Variants in FRMD5 observed in about 807,000 individuals in gnomAD.
FRMD5 encodes FERM domain containing 5, also known as FERM domain-containing protein 5.
FRMD5 carries 20 observed loss-of-function variants against 69.0 expected under a neutral mutation model. That is an observed-to-expected ratio of 0.29 (90% CI 0.20 to 0.42). FRMD5 has a LOEUF of 0.42. Among genes scored for constraint, FRMD5 ranks in the 10% least tolerant of loss-of-function variants. The pLI, the probability that FRMD5 is intolerant of heterozygous loss-of-function variation, is 1.00. For synonymous variants in FRMD5, 271 were observed against 260.1 expected (o/e 1.04, Z -0.40); for missense variants, 595 against 708.6 (o/e 0.84, Z 1.82).
intron 1 of FRMD5, among the ~76,000 whole-genome samples, chr15:44,121,595 T>C (rs1171299520): frequency 6.6e-6 from 1 of 151,386 alleles, no homozygotes; most frequent in Non-Finnish European, 1.5e-5. Flanking sequence ...TGACCCTTTC[T>C]CTCTAGTTTT....
chr15:43,895,492 G>A (rs2088891873), intron 7 of FRMD5, among the ~76,000 whole-genome samples: 1 of 152,252 alleles, frequency 6.6e-6, no homozygotes, highest in Non-Finnish European at 1.5e-5. Context: ...AGGTGTTAGA[G>A]TTAGAGGAGC....
chr15:44,140,212 A>G (rs978587874), intron 1 of FRMD5, among the ~76,000 whole-genome samples: 1 of 152,166 alleles, frequency 6.6e-6, no homozygotes, highest in East Asian at 1.9e-4. Context: ...AATTTCTAAG[A>G]ATAATATACT....
chr15:43,904,367 TTTTTTA>T (rs1393044603), intron 6 of FRMD5, among the ~76,000 whole-genome samples: 2 of 152,174 alleles, frequency 1.3e-5, no homozygotes, highest in Non-Finnish European at 2.9e-5. Context: ...AACATAACTT[TTTTTTA>T]TTTTTAATTT....
At position 43,873,186 on chromosome 15, in the gene FRMD5, G is replaced by A. The variant is rs777750068; in HGVS notation, c.*699C>T. The A allele has an allele frequency of 3.9e-6, 6 of 1,550,466 alleles. No homozygotes were observed. Among genetic ancestry groups the A allele is most frequent in the Non-Finnish European group, 5.2e-6 (6 of 1,146,904 alleles). On this transcript the variant is annotated 3_prime_UTR_variant, in exon 14 of 14. Transcript: ENST00000417257. ...ACAGACTTACCCCACCCCTGATGCT[G>A]CTGTTGCTGTAGCGGTGGTCCCTTC...
intron 1 of FRMD5, among the ~76,000 whole-genome samples, chr15:44,080,021 A>C (rs564726484): frequency 2.0e-5 from 3 of 152,260 alleles, no homozygotes; most frequent in East Asian, 1.9e-4. Flanking sequence ...GCTGGGGATG[A>C]ATGGCAGTGA....
At chr15:44,095,210 T>C (rs1337927285) in intron 1 of FRMD5, among the ~76,000 whole-genome samples, 2 of 151,670 alleles carry the variant, frequency 1.3e-5, no homozygotes, top group Non-Finnish European at 2.9e-5. Flanking sequence ...TTCTTTCTTT[T>C]TTTTTTTTTT....
intron 1 of FRMD5, among the ~76,000 whole-genome samples, chr15:43,986,243 G>A (rs2412851): frequency 0.9 from 136,966 of 152,266 alleles, 62,184 homozygotes; most frequent in East Asian, 1. Flanking sequence ...CAAAGTGTGC[G>A]GTGGGGTTGC....
At chr15:44,169,727 G>A (rs1187305286) in intron 1 of FRMD5, among the ~76,000 whole-genome samples, 1 of 152,170 alleles carries the variant, frequency 6.6e-6, no homozygotes, top group East Asian at 1.9e-4. Context: ...GAAGTTTTTA[G>A]CCCCAAATGA....
At chr15:44,093,642 A>C (rs563883500) in intron 1 of FRMD5, among the ~76,000 whole-genome samples, 1 of 148,712 alleles carries the variant, frequency 6.7e-6, no homozygotes, top group East Asian at 2.0e-4. Flanking sequence ...GCGCCGTCTC[A>C]GCTCACTGCA....
In FRMD5 at chr15:43,886,149, C is replaced by T. The variant is rs540954894; in HGVS notation, c.885-394G>A. On this transcript the variant is annotated intron_variant, in intron 10 of 13. Transcript: ENST00000417257. ...CGGGCAAATTTCCTTCTCTCTTAGC[C>T]TCACCCTTTTTATAAAATGATAGAG... Among the ~76,000 whole-genome samples the T allele has an allele frequency of 5.3e-4, 81 of 152,258 alleles. 2 individuals carry two copies. In the South Asian group the frequency reaches 0.017, roughly 31 times the overall value.
At chr15:44,096,452 G>C (rs1049203697) in intron 1 of FRMD5, among the ~76,000 whole-genome samples, 1 of 150,210 alleles carries the variant, frequency 6.7e-6, no homozygotes, top group African/African-American at 2.5e-5. Flanking sequence ...GCCCAGGCTG[G>C]AGTACAATGG....
chr15:44,000,736 A>ACTTT (rs1482751486), intron 1 of FRMD5, among the ~76,000 whole-genome samples: 1 of 152,228 alleles, frequency 6.6e-6, no homozygotes, highest in African/African-American at 2.4e-5. Context: ...CTGGGATTAC[A>ACTTT]GGTGTGATCC....
At chr15:43,925,921 C>A (rs931179746) in intron 1 of FRMD5, among the ~76,000 whole-genome samples, 2 of 152,152 alleles carry the variant, frequency 1.3e-5, no homozygotes, top group Non-Finnish European at 1.5e-5. Context: ...CCATTTATGT[C>A]CTTCATAGCA....
At chr15:43,888,759 A>G (rs2088723534) in intron 9 of FRMD5, 50 bp downstream of exon 9, 1 of 1,508,700 alleles carries the variant, frequency 6.6e-7, no homozygotes, top group Non-Finnish European at 9.2e-7. Context: ...GCCACCAGGA[A>G]GCATCCCATC....
intron 1 of FRMD5, among the ~76,000 whole-genome samples, chr15:44,024,231 A>G (rs1398797097): frequency 6.6e-6 from 1 of 150,548 alleles, no homozygotes; most frequent in South Asian, 2.1e-4. Flanking sequence ...TTTTTTTTTT[A>G]TGATTTTCGA....
intron 1 of FRMD5, among the ~76,000 whole-genome samples, chr15:44,037,991 T>G (rs748400735): frequency 6.6e-6 from 1 of 152,228 alleles, no homozygotes; most frequent in Non-Finnish European, 1.5e-5. Flanking sequence ...TGATTGCCAT[T>G]CTAACTGGTG....
At chr15:43,931,344 T>C (rs185454533) in intron 1 of FRMD5, among the ~76,000 whole-genome samples, 71 of 152,272 alleles carry the variant, frequency 4.7e-4, no homozygotes, top group Non-Finnish European at 2.1e-4. Context: ...TGCTTTGTAT[T>C]TGTGAAGCTC....
At chr15:43,967,790 C>T (rs2090317427) in intron 1 of FRMD5, among the ~76,000 whole-genome samples, 1 of 151,458 alleles carries the variant, frequency 6.6e-6, no homozygotes, top group Non-Finnish European at 1.5e-5. Flanking sequence ...TTCTGGAATA[C>T]ATGTGCAGAA....
intron 1 of FRMD5, among the ~76,000 whole-genome samples, chr15:44,122,568 C>CAA (rs2076968687): frequency 1.3e-5 from 2 of 150,964 alleles, no homozygotes; most frequent in African/African-American, 2.4e-5. Context: ...GACCCTGCCT[C>CAA]AAACAAAACA....
Sources: allele counts gnomAD v4.1 joint callset (sites outside exome capture counted in the v4.1 genomes callset), GRCh38; gene constraint gnomAD v4.1.1; transcripts MANE v1.5; gene names NCBI Gene and HGNC (gene_info 2026-07-23, HGNC 2026-07-21).